ROBO2: variants seen among roughly 807,000 people sequenced by gnomAD.
The protein encoded by ROBO2 is roundabout guidance receptor 2, also known as roundabout homolog 2.
Under a neutral mutation model 160.8 loss-of-function variants are expected in ROBO2, and 53 were observed. That is an observed-to-expected ratio of 0.33 (90% confidence interval 0.26 to 0.41). ROBO2 has a LOEUF of 0.41. Ranked by LOEUF, ROBO2 falls within the 10% of genes least tolerant of loss-of-function variation. The probability of loss-of-function intolerance (pLI) is 1.00; values close to 1 mark genes in which losing one functional copy is unlikely to be tolerated. For synonymous variants in ROBO2, 664 were observed against 611.7 expected, an observed-to-expected ratio of 1.09 and a Z score of -1.26; for missense variants, 1,577 against 1,722.4, an observed-to-expected ratio of 0.92 and a Z score of 1.49.
chr3:76,043,670 AC>A (rs1181593477), intron 2 of ROBO2, among the ~76,000 whole-genome samples: 2 of 150,864 alleles, frequency 1.3e-5, no homozygotes, highest in African/African-American at 4.9e-5. Flanking sequence ...CCAAACCAAA[AC>A]AAACCAAAAC....
chr3:76,621,236 T>C (rs1490197869), intron 2 of ROBO2, among the ~76,000 whole-genome samples: 1 of 152,170 alleles, frequency 6.6e-6, no homozygotes, highest in Admixed American at 6.5e-5. Flanking sequence ...ATTGCTTTAC[T>C]TACAGTGCAT....
chr3:77,272,033 C>T (rs1475249351), intron 2 of ROBO2, among the ~76,000 whole-genome samples: 2 of 152,166 alleles, frequency 1.3e-5, no homozygotes, highest in Non-Finnish European at 2.9e-5. Flanking sequence ...ACACTGCAAA[C>T]ATAGCACAGG....
intron 2 of ROBO2, among the ~76,000 whole-genome samples, chr3:76,573,801 T>C (rs1198512648): frequency 6.6e-6 from 1 of 152,098 alleles, no homozygotes; most frequent in Non-Finnish European, 1.5e-5. Flanking sequence ...TGGGCACTTT[T>C]TGGAATGATC....
intron 2 of ROBO2, among the ~76,000 whole-genome samples, chr3:77,363,093 A>T (rs1264070326): frequency 6.6e-6 from 1 of 152,142 alleles, no homozygotes; most frequent in Non-Finnish European, 1.5e-5. Flanking sequence ...GAACAAAAGA[A>T]TTGAAAGTAT....
intron 2 of ROBO2, among the ~76,000 whole-genome samples, chr3:76,651,703 A>G (rs2091266301): frequency 6.6e-6 from 1 of 152,092 alleles, no homozygotes; most frequent in African/African-American, 2.4e-5. Flanking sequence ...CTTTAAAAAT[A>G]TGCCTTTAAA....
chr3:76,034,084 A>T (rs962550223), intron 2 of ROBO2, among the ~76,000 whole-genome samples: 2 of 152,180 alleles, frequency 1.3e-5, no homozygotes, highest in Non-Finnish European at 2.9e-5. Flanking sequence ...ACACCTTAGA[A>T]AAGGGGCATA....
In ROBO2 at chr3:76,800,500, T is replaced by C. The variant is rs148370733; in HGVS notation, c.110-297514T>C. Among the ~76,000 whole-genome samples, 898 of 152,196 alleles carry C rather than the reference T, an allele frequency of 5.9e-3. 14 individuals are homozygous for C. The highest frequency in any genetic ancestry group is 0.02 in the African/African-American group (843 of 41,540). On this transcript the variant is annotated intron_variant, in intron 2 of 26. Transcript: ENST00000487694. The stretch of plus-strand genomic sequence containing the variant: ...ACAAGGGATTAATAACCAGAATATA[T>C]AAGGAGCTCAAAAAGCTCTAGAGGA...
intron 2 of ROBO2, among the ~76,000 whole-genome samples, chr3:75,984,353 A>C (rs565784990): frequency 2.2e-4 from 33 of 151,580 alleles, no homozygotes; most frequent in South Asian, 4.1e-4. Context: ...TTGTTTTTTA[A>C]CTGTAAAAAA....
At chr3:77,617,988 G>GCTGTAA (rs1371784465) in intron 22 of ROBO2, 12 of 579,374 alleles carry the variant, frequency 2.1e-5, no homozygotes, top group South Asian at 1.6e-4. Flanking sequence ...TGGAACTGGA[G>GCTGTAA]CTGTAACTGT....
chr3:77,277,213 TTCTTTCTTTCTTTCTTG>T (rs2059933048), intron 2 of ROBO2, among the ~76,000 whole-genome samples: 1 of 64,706 alleles, frequency 1.5e-5, no homozygotes, highest in African/African-American at 5.8e-5. Flanking sequence ...TCTTTCTTTC[TTCTTTCTTTCTTTCTTG>T]TCTTTCTTTC....
intron 2 of ROBO2, among the ~76,000 whole-genome samples, chr3:75,990,118 C>G (rs200484556): frequency 6.6e-6 from 1 of 152,006 alleles, no homozygotes; most frequent in Non-Finnish European, 1.5e-5. Context: ...TTAACATTCT[C>G]AAGCCATAAA....
chr3:76,386,476 CATTCTTT>C (rs2076896268), intron 2 of ROBO2, among the ~76,000 whole-genome samples: 1 of 151,802 alleles, frequency 6.6e-6, no homozygotes, highest in Non-Finnish European at 1.5e-5. Flanking sequence ...ATGAGGGTTG[CATTCTTT>C]ATTCAATCTA....
chr3:75,937,284 A>T (rs1411178940), intron 1 of ROBO2, among the ~76,000 whole-genome samples: 1 of 152,184 alleles, frequency 6.6e-6, no homozygotes, highest in Non-Finnish European at 1.5e-5. Flanking sequence ...TAGAATAAAG[A>T]TTAAAGATGA....
chr3:77,481,552 G>A (rs1489925574), intron 4 of ROBO2, among the ~76,000 whole-genome samples: 2 of 152,096 alleles, frequency 1.3e-5, no homozygotes, highest in East Asian at 1.9e-4. Flanking sequence ...TTATCAGGTA[G>A]CTATTATGTG....
intron 2 of ROBO2, among the ~76,000 whole-genome samples, chr3:77,178,436 C>T (rs1428924769): frequency 2.6e-4 from 40 of 152,022 alleles, no homozygotes; most frequent in Non-Finnish European, 1.5e-5. Context: ...GCTCTCAACT[C>T]ATGCTCAACA....
At chr3:75,956,821 A>G (rs1430288541) in intron 2 of ROBO2, among the ~76,000 whole-genome samples, 3 of 151,714 alleles carry the variant, frequency 2.0e-5, no homozygotes, top group Non-Finnish European at 4.4e-5. Flanking sequence ...CAGCTCTTTT[A>G]TTTGCCATTC....
At chr3:77,606,125 T>G (rs1212465589) in intron 20 of ROBO2, among the ~76,000 whole-genome samples, 1 of 152,152 alleles carries the variant, frequency 6.6e-6, no homozygotes, top group East Asian at 1.9e-4. Flanking sequence ...TCAGGCTGTT[T>G]GTGGGATACT....
At chr3:76,533,485 A>G (rs1429657867) in intron 2 of ROBO2, among the ~76,000 whole-genome samples, 1 of 152,236 alleles carries the variant, frequency 6.6e-6, no homozygotes, top group Admixed American at 6.5e-5. Context: ...TTAGAATTTT[A>G]TTTTACACCT....
intron 2 of ROBO2, among the ~76,000 whole-genome samples, chr3:76,853,730 A>G (rs1577053193): frequency 1.3e-5 from 2 of 152,112 alleles, no homozygotes; most frequent in South Asian, 4.1e-4. Flanking sequence ...GTGCATCAAC[A>G]TTTTAATCTT....
Sources: gnomAD v4.1 joint callset for allele counts (sites outside exome capture counted in the v4.1 genomes callset) on GRCh38, gnomAD v4.1.1 for gene constraint, MANE v1.5 for transcripts, NCBI Gene and HGNC (gene_info 2026-07-23, HGNC 2026-07-21) for gene names.